Variants in RCHY1 observed in about 807,000 individuals in gnomAD.
RCHY1 encodes RING finger and CHY zinc finger domain-containing protein 1.
RCHY1 carries 21 observed loss-of-function variants against 41.6 expected under a neutral mutation model. The ratio of observed to expected loss-of-function variants is 0.51; its 90% CI spans 0.36 to 0.73. RCHY1 has a LOEUF of 0.73. Among genes scored for constraint, RCHY1 ranks in the 30% least tolerant of loss-of-function variants. The pLI is 0.00. For missense variants in RCHY1, 265 were observed against 325.3 expected (o/e 0.81, Z 1.43); for synonymous variants, 79 against 102.9 (o/e 0.77, Z 1.41).
In RCHY1 at chr4:75,484,491, T is replaced by C. The variant is rs569537852; in HGVS notation, c.658-1825A>G. Among the ~76,000 whole-genome samples the C allele has an allele frequency of 2.0e-5, 3 of 152,212 alleles. No homozygotes were observed. The East Asian group carries it at 5.8e-4, about 29-fold the overall frequency. ...GGGGTGGGGGTGCAAATTTTGGCTTTTGGAAATTCACAGGGTTTTTTGTGT... is the reference window on the plus strand; with the variant it reads ...GGGGTGGGGGTGCAAATTTTGGCTTCTGGAAATTCACAGGGTTTTTTGTGT... On this transcript the variant is annotated intron_variant, in intron 8 of 8. Transcript: ENST00000324439.
At position 75,482,264 on chromosome 4, in the gene RCHY1, A is replaced by G; in HGVS notation, c.*274T>C. 4.4e-6 allele frequency: 1 copy of G among 227,544 alleles called. No homozygotes were observed. 14.1% of individuals were successfully genotyped at this position (227,544 alleles called of 1,614,324 possible). ...AAATATAATACACTTCTATGAATGTATCAGTGGCAAACATCATTGGCTTCC... is the reference window on the plus strand; with the variant it reads ...AAATATAATACACTTCTATGAATGTGTCAGTGGCAAACATCATTGGCTTCC... On this transcript the variant is annotated 3_prime_UTR_variant, in exon 9 of 9. Coordinates refer to ENST00000324439, the MANE Select transcript of RCHY1 (RefSeq NM_015436.4).
At chr4:75,490,887 C>T in intron 7 of RCHY1, 186 bp from the exon 8 acceptor site, 4 of 455,318 alleles carry the variant, frequency 8.8e-6, no homozygotes, top group Non-Finnish European at 1.5e-5. Context: ...TTCCTGTATA[C>T]TTATTTAAAA....
chr4:75,501,906 C>T (rs1378309410), intron 3 of RCHY1, among the ~76,000 whole-genome samples: 2 of 151,894 alleles, frequency 1.3e-5, no homozygotes, highest in African/African-American at 4.8e-5. Context: ...TGGAGAAACC[C>T]CATCTCTACT....
intron 8 of RCHY1, among the ~76,000 whole-genome samples, chr4:75,487,616 A>T: frequency 4.6e-5 from 1 of 21,852 alleles, no homozygotes; most frequent in Non-Finnish European, 7.8e-5. Context: ...TATATTCATA[A>T]TATATATATT....
chr4:75,500,515 A>G (rs1283452534), intron 3 of RCHY1, among the ~76,000 whole-genome samples: 2 of 152,240 alleles, frequency 1.3e-5, no homozygotes, highest in African/African-American at 2.4e-5. Context: ...TCCAAAGATT[A>G]TCTATAACTA....
intron 3 of RCHY1, among the ~76,000 whole-genome samples, chr4:75,506,142 A>C (rs536817218): frequency 1.6e-4 from 25 of 152,036 alleles, no homozygotes; most frequent in African/African-American, 6.0e-4. Context: ...AAAAAAAAAA[A>C]AACAAAAATT....
At position 75,509,159 on chromosome 4, in the gene RCHY1, A is replaced by T; in HGVS notation, c.210+18T>A. The T allele has an allele frequency of 6.3e-7, 1 of 1,599,798 alleles. No individual in the cohort carries two copies. The highest frequency in any genetic ancestry group is 1.3e-5 in the African/African-American group (1 of 74,258). On this transcript the variant is annotated intron_variant, in intron 2 of 8. Coordinates refer to ENST00000324439, the MANE Select transcript of RCHY1 (RefSeq NM_015436.4). Reference sequence around the variant, plus strand: ...ATACAGCTTTTAAAAAGAAAATAGAAATGTCATAAAATCTTACATGTTGAA... The same window carrying T: ...ATACAGCTTTTAAAAAGAAAATAGATATGTCATAAAATCTTACATGTTGAA...
rs903825931 is a variant in RCHY1 at position 75,482,461 on chromosome 4, C to G, written c.*77G>C. Reference sequence around the variant, plus strand: ...ATCAACTCTAATGCATAGATGACGACACATGATAACACGATACCAAGGAAA... The same window carrying G: ...ATCAACTCTAATGCATAGATGACGAGACATGATAACACGATACCAAGGAAA... On this transcript the variant is annotated 3_prime_UTR_variant, in exon 9 of 9. Coordinates refer to ENST00000324439, the MANE Select transcript of RCHY1 (RefSeq NM_015436.4). 4.0e-5 allele frequency: 55 copies of G among 1,366,976 alleles called. No homozygotes were observed. The highest frequency in any genetic ancestry group is 5.1e-5 in the Non-Finnish European group (52 of 1,014,372). 84.7% of individuals were successfully genotyped at this position (1,366,976 alleles called of 1,614,324 possible). A position where few individuals can be genotyped will look rare whatever the true frequency, so the allele number is the denominator to read the frequency against.
intron 3 of RCHY1, among the ~76,000 whole-genome samples, chr4:75,501,812 C>T (rs558057986): frequency 6.6e-6 from 1 of 152,334 alleles, no homozygotes; most frequent in South Asian, 2.1e-4. Context: ...AGTGCGGTGG[C>T]TCACGCCTAT....
intron 3 of RCHY1, among the ~76,000 whole-genome samples, chr4:75,505,701 A>G (rs924153874): frequency 2.6e-5 from 4 of 152,196 alleles, no homozygotes; most frequent in African/African-American, 9.6e-5. Flanking sequence ...CAATGACGAA[A>G]TAGCTTCTAT....
At position 75,487,551 on chromosome 4, in the gene RCHY1, CATAATATATTCATAATATATATATTCAT is replaced by C. The variant is rs1560512464; in HGVS notation, c.657+3002_657+3029del. Among the ~76,000 whole-genome samples, 480 of 97,120 alleles carry C rather than the reference CATAATATATTCATAATATATATATTCAT, an allele frequency of 4.9e-3. 15 individuals are homozygous for C. Among genetic ancestry groups the C allele is most frequent in the African/African-American group, 0.016 (392 of 23,996 alleles). 63.7% of individuals were successfully genotyped at this position (97,120 alleles called of 152,430 possible). Reference sequence around the variant, plus strand: ...ATAATATATTCATAATATATATATTCATAATATATTCATAATATATATATTCATATATATATTCATAATATATATTCAT... The same window carrying C: ...ATAATATATTCATAATATATATATTCATATATATTCATAATATATATTCAT... On this transcript the variant is annotated intron_variant, in intron 8 of 8. Transcript: ENST00000324439.
chr4:75,504,657 T>C (rs1724126669), intron 3 of RCHY1, among the ~76,000 whole-genome samples: 1 of 152,184 alleles, frequency 6.6e-6, no homozygotes. Flanking sequence ...CTTGGTGCCC[T>C]TAACCCCCAA....
chr4:75,488,135 T>C (rs1367452456), intron 8 of RCHY1, among the ~76,000 whole-genome samples: 2 of 151,810 alleles, frequency 1.3e-5, no homozygotes, highest in Admixed American at 1.3e-4. Context: ...AACCTTTGTG[T>C]TATATTTTTA....
chr4:75,500,686 G>A (rs13134862), intron 3 of RCHY1, among the ~76,000 whole-genome samples: 60,214 of 151,850 alleles, frequency 0.4, 12,095 homozygotes, highest in East Asian at 0.42. Context: ...GAAGCAATAG[G>A]GTCAAGAGTA....
intron 3 of RCHY1, chr4:75,494,520 T>C (rs367894456): frequency 1.4e-5 from 3 of 218,890 alleles, no homozygotes; most frequent in South Asian, 7.9e-5. Flanking sequence ...TTCTGAGGAT[T>C]TTATGTCTGT....
intron 8 of RCHY1, among the ~76,000 whole-genome samples, chr4:75,486,715 A>C (rs559302480): frequency 7.9e-5 from 12 of 152,158 alleles, no homozygotes; most frequent in Non-Finnish European, 1.2e-4. Context: ...CATGTATTTA[A>C]AAAAATTCAG....
At chr4:75,506,607 A>C (rs1724334368) in intron 3 of RCHY1, among the ~76,000 whole-genome samples, 1 of 151,950 alleles carries the variant, frequency 6.6e-6, no homozygotes, top group Middle Eastern at 3.2e-3. Context: ...ATCCAATTTA[A>C]GCATAAAGAA....
At chr4:75,497,379 G>C (rs1723311473) in intron 3 of RCHY1, among the ~76,000 whole-genome samples, 1 of 152,148 alleles carries the variant, frequency 6.6e-6, no homozygotes, top group Non-Finnish European at 1.5e-5. Context: ...TCCAATCACA[G>C]GCAGTCCTCG....
At chr4:75,483,068 A>G (rs995408967) in intron 8 of RCHY1, among the ~76,000 whole-genome samples, 3 of 152,158 alleles carry the variant, frequency 2.0e-5, no homozygotes, top group Non-Finnish European at 4.4e-5. Context: ...TTTTACACAA[A>G]TAATATTTTT....
Sources: allele counts gnomAD v4.1 joint callset (sites outside exome capture counted in the v4.1 genomes callset), GRCh38; gene constraint gnomAD v4.1.1; transcripts MANE v1.5; gene names NCBI Gene and HGNC (gene_info 2026-07-23, HGNC 2026-07-21).